Variants in RBFOX3 observed in about 807,000 individuals in gnomAD.
RBFOX3 encodes the protein RNA binding protein fox-1 homolog 3.
A neutral mutation model predicts 48.7 loss-of-function variants in RBFOX3; 17 were observed. The observed-to-expected ratio is 0.35, with a 90% CI of 0.24 to 0.52. RBFOX3 has a LOEUF of 0.52. RBFOX3 is among the 20% of genes least tolerant of loss of function. The pLI is 0.94. For missense variants in RBFOX3, 382 were observed against 497.5 expected, an observed-to-expected ratio of 0.77 and a Z score of 2.21; for synonymous variants, 212 against 209.5, an observed-to-expected ratio of 1.01 and a Z score of -0.10.
intron 4 of RBFOX3, among the ~76,000 whole-genome samples, chr17:79,148,697 G>C (rs1215483444): frequency 6.6e-6 from 1 of 152,218 alleles, no homozygotes; most frequent in African/African-American, 2.4e-5. Flanking sequence ...TTGCTTCCTG[G>C]AAGTGATGAG....
chr17:79,571,061 G>A (rs1167088154), intron 1 of RBFOX3, among the ~76,000 whole-genome samples: 1 of 152,154 alleles, frequency 6.6e-6, no homozygotes, highest in Non-Finnish European at 1.5e-5. Flanking sequence ...GGTAATTATT[G>A]TAATGCCAGT....
chr17:79,175,622 C>T (rs1488134415), intron 4 of RBFOX3, among the ~76,000 whole-genome samples: 1 of 152,254 alleles, frequency 6.6e-6, no homozygotes, highest in Non-Finnish European at 1.5e-5. Flanking sequence ...TGCCCCGCTG[C>T]CCTGGCTCCC....
intron 1 of RBFOX3, among the ~76,000 whole-genome samples, chr17:79,585,141 C>T (rs2093206333): frequency 1.3e-5 from 2 of 152,122 alleles, no homozygotes; most frequent in East Asian, 1.9e-4. Flanking sequence ...CTGAGTACAG[C>T]GTCCACTGCT....
intron 2 of RBFOX3, among the ~76,000 whole-genome samples, chr17:79,453,765 G>A (rs2073983741): frequency 1.3e-5 from 2 of 152,234 alleles, no homozygotes; most frequent in Admixed American, 1.3e-4. Context: ...GGACCCTGGG[G>A]GAGAGATCTT....
rs372255842 is a variant in RBFOX3 at position 79,223,028 on chromosome 17, T to C, written c.-34+12738A>G. Among the ~76,000 whole-genome samples, 3 of 152,256 alleles carry C rather than the reference T, an allele frequency of 2.0e-5. No individual in the cohort carries two copies. The South Asian group carries it at 6.2e-4, about 32-fold the overall frequency. On this transcript the variant is annotated intron_variant, in intron 4 of 14. Coordinates refer to ENST00000693108, the MANE Select transcript of RBFOX3 (RefSeq NM_001350451.2). ...CCTGCATGCCCTGGGGACCTGCCCA[T>C]ATGGCCAGTGGCTTCCTCAAACAAG... is the stretch of plus-strand genomic sequence containing the variant.
intron 2 of RBFOX3, among the ~76,000 whole-genome samples, chr17:79,357,383 T>C (rs1195444142): frequency 6.6e-6 from 1 of 152,224 alleles, no homozygotes; most frequent in Non-Finnish European, 1.5e-5. Flanking sequence ...ATCCCAGTAC[T>C]TTGGGAGGCC....
At chr17:79,432,469 C>G (rs2068638975) in intron 2 of RBFOX3, among the ~76,000 whole-genome samples, 1 of 152,220 alleles carries the variant, frequency 6.6e-6, no homozygotes, top group African/African-American at 2.4e-5. Flanking sequence ...GGGACATCTG[C>G]AAATGCCACT....
Position 79,241,176 on chromosome 17 carries a change from C to CTT in RBFOX3, c.-73-5373_-73-5372dup, listed in dbSNP as rs77856240. Among the ~76,000 whole-genome samples the CTT allele has an allele frequency of 7.3e-3, 1,031 of 142,180 alleles. 17 individuals are homozygous for CTT. Among genetic ancestry groups the CTT allele is most frequent in the African/African-American group, 0.023 (879 of 38,534 alleles). The allele number at this position is 142,180 out of a possible 152,430, so 93.3% of individuals were successfully genotyped here. ...CTATCTATCTGTCTATCTATTTAAT[C>CTT]TTTTTTTTTTTTTTTAGTAGAGATG... On this transcript the variant is annotated intron_variant, in intron 3 of 14. Coordinates refer to ENST00000693108, the MANE Select transcript of RBFOX3 (RefSeq NM_001350451.2).
intron 4 of RBFOX3, among the ~76,000 whole-genome samples, chr17:79,137,695 C>G (rs188410164): frequency 1.3e-3 from 194 of 152,336 alleles, no homozygotes; most frequent in Non-Finnish European, 1.9e-3. Context: ...CTTCTTTTCC[C>G]GTTAGGCGCC....
intron 2 of RBFOX3, among the ~76,000 whole-genome samples, chr17:79,416,211 T>C (rs2065326883): frequency 6.6e-6 from 1 of 152,164 alleles, no homozygotes; most frequent in Non-Finnish European, 1.5e-5. Flanking sequence ...GCTGGAATCC[T>C]CCCCGGGAGC....
the RBFOX3 span, among the ~76,000 whole-genome samples, chr17:79,628,722 C>CT: frequency 6.6e-6 from 1 of 152,086 alleles, no homozygotes; most frequent in Non-Finnish European, 1.5e-5. Context: ...CACCACTGGA[C>CT]TTTGTGTTTC....
intron 4 of RBFOX3, among the ~76,000 whole-genome samples, chr17:79,202,612 G>A (rs2056928925): frequency 2.0e-5 from 3 of 152,214 alleles, no homozygotes; most frequent in Non-Finnish European, 4.4e-5. Flanking sequence ...GCCCCAGATC[G>A]CCTGGCTTGA....
chr17:79,396,707 C>G (rs1207024067), intron 2 of RBFOX3, among the ~76,000 whole-genome samples: 2 of 152,226 alleles, frequency 1.3e-5, no homozygotes, highest in African/African-American at 2.4e-5. Context: ...ACCTACTGCT[C>G]GGAGGGATGA....
intron 1 of RBFOX3, among the ~76,000 whole-genome samples, chr17:79,565,407 T>C (rs1199139758): frequency 6.6e-6 from 1 of 151,444 alleles, no homozygotes; most frequent in African/African-American, 2.4e-5. Flanking sequence ...CAGCATGATC[T>C]CAGCTCACTG....
chr17:79,270,073 C>T (rs1015433011), intron 3 of RBFOX3, among the ~76,000 whole-genome samples: 1 of 152,146 alleles, frequency 6.6e-6, no homozygotes, highest in East Asian at 1.9e-4. Flanking sequence ...TTCTTGCCAC[C>T]CTCTCGCTGG....
At chr17:79,164,151 A>T (rs2047524786) in intron 4 of RBFOX3, among the ~76,000 whole-genome samples, 1 of 152,146 alleles carries the variant, frequency 6.6e-6, no homozygotes, top group African/African-American at 2.4e-5. Context: ...TGGGCCAAGA[A>T]GATCCCAGAG....
intron 1 of RBFOX3, among the ~76,000 whole-genome samples, chr17:79,507,407 G>A (rs1411290352): frequency 6.6e-6 from 1 of 152,130 alleles, no homozygotes; most frequent in Non-Finnish European, 1.5e-5. Context: ...GGCGTCCATG[G>A]GGGCGCCACA....
chr17:79,217,869 C>T (rs537068453), intron 4 of RBFOX3, among the ~76,000 whole-genome samples: 46 of 152,054 alleles, frequency 3.0e-4, no homozygotes, highest in Admixed American at 1.1e-3. Flanking sequence ...GGCTGGGCCA[C>T]GGGGCTTAGG....
intron 1 of RBFOX3, among the ~76,000 whole-genome samples, chr17:79,557,454 T>G (rs2091865554): frequency 7.0e-6 from 1 of 142,752 alleles, no homozygotes; most frequent in Admixed American, 7.1e-5. Context: ...CAAGCCCCCA[T>G]CCCACAGCTG....
Sources: allele counts gnomAD v4.1 joint callset (sites outside exome capture counted in the v4.1 genomes callset), GRCh38; gene constraint gnomAD v4.1.1; transcripts MANE v1.5; gene names NCBI Gene and HGNC (gene_info 2026-07-23, HGNC 2026-07-21).